Variants in ABLIM1 observed in about 807,000 individuals in gnomAD.
The protein encoded by ABLIM1 is actin-binding LIM protein 1.
A neutral mutation model predicts 107.0 loss-of-function variants in ABLIM1; 40 were observed. The ratio of observed to expected loss-of-function variants is 0.37; its 90% confidence interval spans 0.29 to 0.49. ABLIM1 has a LOEUF of 0.49. Ranked by LOEUF, ABLIM1 falls within the 20% of genes least tolerant of loss-of-function variation. The pLI, the probability that ABLIM1 is intolerant of heterozygous loss-of-function variation, is 0.97. For synonymous variants in ABLIM1, 357 were observed against 357.3 expected, an observed-to-expected ratio of 1.00 and a Z score of 0.01; for missense variants, 857 against 1,008.5, an observed-to-expected ratio of 0.85 and a Z score of 2.04.
chr10:114,474,049 G>A, intron 8 of ABLIM1, 93 bp from the exon 9 acceptor site: 2 of 895,300 alleles, frequency 2.2e-6, no homozygotes, highest in African/African-American at 1.7e-5. Context: ...AACTCAGCTA[G>A]TGAAAAAAAG....
At chr10:114,557,966 G>A (rs557251754) in intron 4 of ABLIM1, among the ~76,000 whole-genome samples, 1 of 151,682 alleles carries the variant, frequency 6.6e-6, no homozygotes, top group South Asian at 2.1e-4. Flanking sequence ...ATTATACATT[G>A]TTACATTTCT....
chr10:114,488,661 C>T (rs76385350), intron 7 of ABLIM1, among the ~76,000 whole-genome samples: 3,810 of 152,240 alleles, frequency 0.025, 145 homozygotes, highest in African/African-American at 0.084. Context: ...GTGTTATTTT[C>T]TGTTCCTGAG....
the ABLIM1 span, among the ~76,000 whole-genome samples, chr10:114,784,105 T>A: frequency 6.6e-6 from 1 of 151,834 alleles, no homozygotes; most frequent in Admixed American, 6.6e-5. Flanking sequence ...CCCAGCACTT[T>A]GGGAGGCTGA....
intron 1 of ABLIM1, among the ~76,000 whole-genome samples, chr10:114,760,581 T>C (rs1485259937): frequency 3.3e-5 from 5 of 152,150 alleles, no homozygotes; most frequent in Admixed American, 3.3e-4. Context: ...ATAATGGAGA[T>C]AAAATAATCA....
intron 3 of ABLIM1, among the ~76,000 whole-genome samples, chr10:114,573,562 C>T (rs550087092): frequency 4.0e-4 from 61 of 152,312 alleles, no homozygotes; most frequent in African/African-American, 1.4e-3. Flanking sequence ...ACTGGGAACA[C>T]GGCCTTCCAA....
chr10:114,436,683 G>T (rs1432028274), intron 22 of ABLIM1, among the ~76,000 whole-genome samples: 1 of 152,164 alleles, frequency 6.6e-6, no homozygotes, highest in Non-Finnish European at 1.5e-5. Context: ...TCCTTGGAAC[G>T]TTGAGAAGAT....
Position 114,575,546 on chromosome 10 carries a change from G to C in ABLIM1, c.433C>G (p.Leu145Val). The change falls in exon 3 of 23, where the codon CTC (leucine) becomes GTC (valine). Residue 145 changes from leucine to valine, a missense_variant. By Grantham distance (32) the Leu-to-Val change is conservative. Coordinates refer to ENST00000533213, the MANE Select transcript of ABLIM1 (RefSeq NM_002313.7). ...GGFFIKNGEY[L>V]CTLDYQRMYG... The stretch of plus-strand genomic sequence containing the variant: ...ATCCGCTGGTAGTCCAGGGTGCAGA[G>C]ATACTCTCCGTTCTTTATGAAGAAG... The C allele has an allele frequency of 1.2e-6, 2 of 1,614,194 alleles. No individual in the cohort carries two copies. The highest frequency in any genetic ancestry group is 1.7e-6 in the Non-Finnish European group (2 of 1,180,040).
chr10:114,545,938 A>AC (rs1304691001), intron 5 of ABLIM1, among the ~76,000 whole-genome samples: 1 of 115,426 alleles, frequency 8.7e-6, no homozygotes, highest in African/African-American at 2.7e-5. Flanking sequence ...CTCAAAAAAA[A>AC]AAAACAAAAA....
At chr10:114,569,877 C>T (rs1024818016) in intron 4 of ABLIM1, among the ~76,000 whole-genome samples, 1 of 152,184 alleles carries the variant, frequency 6.6e-6, no homozygotes, top group South Asian at 2.1e-4. Context: ...GCCAAGGATC[C>T]AGTCATGTGT....
At chr10:114,606,940 TC>T (rs747427491) in intron 1 of ABLIM1, among the ~76,000 whole-genome samples, 8 of 152,206 alleles carry the variant, frequency 5.3e-5, no homozygotes, top group Non-Finnish European at 1.2e-4. Context: ...TTCTGCCCTC[TC>T]CTTCATTTCC....
intron 1 of ABLIM1, among the ~76,000 whole-genome samples, chr10:114,640,090 C>A (rs975742126): frequency 6.6e-6 from 1 of 152,176 alleles, no homozygotes; most frequent in Non-Finnish European, 1.5e-5. Flanking sequence ...TATTAGCCAA[C>A]CACTCACACC....
intron 1 of ABLIM1, among the ~76,000 whole-genome samples, chr10:114,602,345 G>A (rs894435128): frequency 4.6e-5 from 7 of 152,230 alleles, no homozygotes; most frequent in African/African-American, 1.7e-4. Flanking sequence ...ACTGTGGACT[G>A]TAGGTCCTTG....
intron 6 of ABLIM1, among the ~76,000 whole-genome samples, chr10:114,530,241 C>A (rs2065305129): frequency 6.6e-6 from 1 of 152,150 alleles, no homozygotes; most frequent in Non-Finnish European, 1.5e-5. Context: ...TGGCTAAAAT[C>A]TGTTCCAAAG....
chr10:114,452,520 G>A (rs2062064488), intron 13 of ABLIM1, among the ~76,000 whole-genome samples: 1 of 151,646 alleles, frequency 6.6e-6, no homozygotes, highest in Non-Finnish European at 1.5e-5. Context: ...TGTTTTATTA[G>A]GTAAGTTTAG....
At chr10:114,564,334 G>A (rs907666985) in intron 4 of ABLIM1, among the ~76,000 whole-genome samples, 7 of 152,004 alleles carry the variant, frequency 4.6e-5, no homozygotes, top group South Asian at 2.1e-4. Context: ...GCATTATCTC[G>A]GCTCACTGCA....
chr10:114,585,165 C>T lies in ABLIM1; in HGVS notation c.380-9566G>A, dbSNP rs140021307. Among the ~76,000 whole-genome samples the T allele has an allele frequency of 4.4e-3, 672 of 152,254 alleles. 2 individuals carry two copies. Among genetic ancestry groups the T allele is most frequent in the Non-Finnish European group, 7.1e-3 (480 of 68,020 alleles). On this transcript the variant is annotated intron_variant, in intron 2 of 22. Coordinates refer to ENST00000533213, the MANE Select transcript of ABLIM1 (RefSeq NM_002313.7). ...TTCTTAATAGGAACGACCTTGCTAA[C>T]CCCAGGGAATTACATTTCAAACTAG... is the stretch of plus-strand genomic sequence containing the variant.
chr10:114,488,994 C>G (rs1417943759), intron 7 of ABLIM1, among the ~76,000 whole-genome samples: 1 of 152,130 alleles, frequency 6.6e-6, no homozygotes, highest in Non-Finnish European at 1.5e-5. Flanking sequence ...AGAGTTTCCA[C>G]ATTTCATGAC....
chr10:114,476,110 G>T (rs934266389), intron 8 of ABLIM1, among the ~76,000 whole-genome samples: 1 of 152,200 alleles, frequency 6.6e-6, no homozygotes, highest in African/African-American at 2.4e-5. Context: ...ACTGTGATCA[G>T]TCTTTTTCAG....
At chr10:114,530,638 A>G (rs2065348327) in intron 6 of ABLIM1, among the ~76,000 whole-genome samples, 1 of 152,128 alleles carries the variant, frequency 6.6e-6, no homozygotes, top group South Asian at 2.1e-4. Context: ...GGTTCAAGCA[A>G]TTCTCGTGCC....
Sources: gnomAD v4.1 joint callset for allele counts (sites outside exome capture counted in the v4.1 genomes callset) on GRCh38, gnomAD v4.1.1 for gene constraint, MANE v1.5 for transcripts, NCBI Gene and HGNC (gene_info 2026-07-23, HGNC 2026-07-21) for gene names.